The following CNTNAP2 variants were observed in gnomAD, a reference collection of about 807,000 sequenced individuals.
CNTNAP2 encodes contactin-associated protein-like 2.
In CNTNAP2, 98 loss-of-function variants were observed where a neutral mutation model predicts 155.2. The ratio of observed to expected loss-of-function variants is 0.63; its 90% CI spans 0.54 to 0.75. CNTNAP2 has a LOEUF of 0.75. Ranked by LOEUF, CNTNAP2 falls within the 30% of genes least tolerant of loss-of-function variation. The pLI is 0.00. For missense variants in CNTNAP2, 1,727 were observed against 1,688.1 expected, an observed-to-expected ratio of 1.02 and a Z score of -0.40; for synonymous variants, 651 against 631.2, an observed-to-expected ratio of 1.03 and a Z score of -0.47.
rs376828245 is a variant in CNTNAP2 at position 146,116,829 on chromosome 7, G to C, written c.-48G>C. The C allele has an allele frequency of 6.9e-7, 1 of 1,440,234 alleles. No individual in the cohort carries two copies. The highest frequency in any genetic ancestry group is 9.5e-7 in the Non-Finnish European group (1 of 1,056,748). The allele number at this position is 1,440,234 out of a possible 1,614,324, so 89.2% of individuals were successfully genotyped here. On this transcript the variant is annotated 5_prime_UTR_variant, in exon 1 of 24. Transcript: ENST00000361727. The surrounding 1 kb of genome is among the most constrained non-coding windows in gnomAD (Gnocchi z 5.5). ...CAAGAACCCTACGGAGAGTCGGACT[G>C]CATCTCCGCAGCGAGCTCTTGGAGC... is the stretch of plus-strand genomic sequence containing the variant.
intron 17 of CNTNAP2, among the ~76,000 whole-genome samples, chr7:148,166,322 C>T (rs1805657256): frequency 6.6e-6 from 1 of 152,074 alleles, no homozygotes; most frequent in Non-Finnish European, 1.5e-5. Flanking sequence ...CAAGGCCTGG[C>T]TCATAGTAGG....
At chr7:147,652,990 C>A (rs1225288437) in intron 13 of CNTNAP2, among the ~76,000 whole-genome samples, 1 of 151,926 alleles carries the variant, frequency 6.6e-6, no homozygotes, top group African/African-American at 2.4e-5. Context: ...CCACTATTGG[C>A]CCTGACAAGT....
At chr7:146,917,662 G>A (rs750046870) in intron 3 of CNTNAP2, among the ~76,000 whole-genome samples, 5 of 152,112 alleles carry the variant, frequency 3.3e-5, no homozygotes, top group South Asian at 4.1e-4. Flanking sequence ...GGACCCAGTT[G>A]GAGGTAATTG....
At chr7:146,322,295 A>G (rs2129092729) in intron 1 of CNTNAP2, among the ~76,000 whole-genome samples, 1 of 152,302 alleles carries the variant, frequency 6.6e-6, no homozygotes, top group East Asian at 1.9e-4. Flanking sequence ...ACAGTAAAGA[A>G]TTCCCCTTTC....
At position 146,235,979 on chromosome 7, in the gene CNTNAP2, T is replaced by A. The variant is rs2110371; in HGVS notation, c.97+119006T>A. Among the ~76,000 whole-genome samples, 3 of 139,188 alleles carry A rather than the reference T, an allele frequency of 2.2e-5. No individual in the cohort carries two copies. The South Asian group carries it at 6.7e-4, about 31-fold the overall frequency. 91.3% of individuals were successfully genotyped at this position (139,188 alleles called of 152,430 possible). On this transcript the variant is annotated intron_variant, in intron 1 of 23. Coordinates refer to ENST00000361727, the MANE Select transcript of CNTNAP2 (RefSeq NM_014141.6). ...GTGTGTGTGTGTGTGTGTGTGTGTGTGCGCGCGTATTTGTAAAATGCCATT... is the reference window on the plus strand; with the variant it reads ...GTGTGTGTGTGTGTGTGTGTGTGTGAGCGCGCGTATTTGTAAAATGCCATT...
chr7:147,462,642 A>G, intron 10 of CNTNAP2, among the ~76,000 whole-genome samples: 1 of 152,272 alleles, frequency 6.6e-6, no homozygotes, highest in Non-Finnish European at 1.5e-5. Flanking sequence ...TACCATAGTA[A>G]CCAGAACTTC....
intron 8 of CNTNAP2, among the ~76,000 whole-genome samples, chr7:147,246,907 A>G (rs2116650244): frequency 6.6e-6 from 1 of 152,304 alleles, no homozygotes; most frequent in African/African-American, 2.4e-5. Context: ...AGAAAGGCAA[A>G]TTATTTTGGA....
chr7:146,622,184 C>T (rs13307926), intron 1 of CNTNAP2, among the ~76,000 whole-genome samples: 1 of 142,366 alleles, frequency 7.0e-6, no homozygotes, highest in African/African-American at 2.7e-5. Context: ...TATATATACA[C>T]ATATATACAT....
chr7:146,484,989 T>C (rs566207624), intron 1 of CNTNAP2, among the ~76,000 whole-genome samples: 8 of 152,322 alleles, frequency 5.3e-5, no homozygotes, highest in African/African-American at 1.9e-4. Flanking sequence ...GCTTTTATTA[T>C]AGCATTATAA....
intron 15 of CNTNAP2, among the ~76,000 whole-genome samples, chr7:148,056,198 G>T (rs1290653611): frequency 1.3e-5 from 2 of 152,248 alleles, no homozygotes; most frequent in East Asian, 3.9e-4. Flanking sequence ...AAACATTGTG[G>T]GCAATTTCTT....
intron 8 of CNTNAP2, among the ~76,000 whole-genome samples, chr7:147,140,449 G>T (rs966598497): frequency 1.1e-4 from 16 of 151,874 alleles, no homozygotes; most frequent in African/African-American, 3.4e-4. Flanking sequence ...TGGTTGACTT[G>T]ATTATTTTAG....
At chr7:146,820,852 A>T (rs1160603925) in intron 2 of CNTNAP2, among the ~76,000 whole-genome samples, 1 of 152,112 alleles carries the variant, frequency 6.6e-6, no homozygotes, top group Non-Finnish European at 1.5e-5. Context: ...GTGCTCCTGT[A>T]TTGGGTGCAT....
intron 3 of CNTNAP2, among the ~76,000 whole-genome samples, chr7:146,902,592 T>G (rs952272531): frequency 6.6e-6 from 1 of 152,238 alleles, no homozygotes; most frequent in Admixed American, 6.5e-5. Flanking sequence ...CAACCACCTG[T>G]GGCTTTCATC....
chr7:146,444,456 C>A (rs891989093), intron 1 of CNTNAP2, among the ~76,000 whole-genome samples: 8 of 151,936 alleles, frequency 5.3e-5, no homozygotes, highest in Non-Finnish European at 8.8e-5. Flanking sequence ...CCTGAAGGAC[C>A]CAGGATTCTT....
chr7:147,328,506 C>T (rs946410629), intron 9 of CNTNAP2, among the ~76,000 whole-genome samples: 18 of 152,112 alleles, frequency 1.2e-4, no homozygotes, highest in African/African-American at 3.1e-4. Context: ...ACGACTGAAT[C>T]GACTATTTAG....
At chr7:147,610,981 C>T (rs1488764277) in intron 12 of CNTNAP2, among the ~76,000 whole-genome samples, 1 of 152,106 alleles carries the variant, frequency 6.6e-6, no homozygotes, top group Non-Finnish European at 1.5e-5. Flanking sequence ...CTCAAGTGAT[C>T]TGCCCACCTC....
At chr7:147,799,947 T>C (rs1797957844) in intron 13 of CNTNAP2, among the ~76,000 whole-genome samples, 1 of 152,252 alleles carries the variant, frequency 6.6e-6, no homozygotes, top group South Asian at 2.1e-4. Context: ...CACAGTATGA[T>C]ATATGCAGTA....
chr7:146,540,558 C>A (rs1436661307), intron 1 of CNTNAP2, among the ~76,000 whole-genome samples: 1 of 152,034 alleles, frequency 6.6e-6, no homozygotes, highest in Non-Finnish European at 1.5e-5. Context: ...AATTTCTTGG[C>A]TTCCATACAT....
intron 1 of CNTNAP2, among the ~76,000 whole-genome samples, chr7:146,506,906 G>C (rs1363366631): frequency 6.6e-6 from 1 of 152,156 alleles, no homozygotes; most frequent in Non-Finnish European, 1.5e-5. Flanking sequence ...ATCAGGAATG[G>C]GAGGTGCCTC....
Sources: allele counts gnomAD v4.1 joint callset (sites outside exome capture counted in the v4.1 genomes callset), GRCh38; gene constraint gnomAD v4.1.1; non-coding constraint Gnocchi (gnomAD v3.1); transcripts MANE v1.5; gene names NCBI Gene and HGNC (gene_info 2026-07-23, HGNC 2026-07-21).